Variants in NDST3 observed in about 807,000 individuals in gnomAD.
NDST3 encodes the protein bifunctional heparan sulfate N-deacetylase/N-sulfotransferase 3.
In NDST3, 58 loss-of-function variants were observed where a neutral mutation model predicts 96.1. The ratio of observed to expected loss-of-function variants is 0.60; its 90% CI spans 0.49 to 0.75. The LOEUF (loss-of-function observed/expected upper bound fraction) is 0.75, where lower values mean the gene tolerates loss of function less well. NDST3 is among the 30% of genes least tolerant of loss of function. NDST3 has a pLI of 0.00. For missense variants in NDST3, 788 were observed against 1,034.2 expected (o/e 0.76, Z 3.27); for synonymous variants, 333 against 359.7 (o/e 0.93, Z 0.84).
chr4:118,039,523 G>A (rs1560602631), intron 1 of NDST3, among the ~76,000 whole-genome samples: 1 of 152,264 alleles, frequency 6.6e-6, no homozygotes, highest in East Asian at 1.9e-4. Flanking sequence ...TCCAAGCTAT[G>A]GAGAAAAATT....
intron 2 of NDST3, among the ~76,000 whole-genome samples, chr4:118,083,106 C>T (rs1728148731): frequency 6.6e-6 from 1 of 152,070 alleles, no homozygotes; most frequent in Admixed American, 6.5e-5. Context: ...GACACAAATC[C>T]AAACCATATC....
At chr4:118,151,789 AT>A (rs1293250275) in intron 6 of NDST3, among the ~76,000 whole-genome samples, 1 of 152,222 alleles carries the variant, frequency 6.6e-6, no homozygotes, top group African/African-American at 2.4e-5. Context: ...CTTAAACTGG[AT>A]TTTAAAATAG....
intron 1 of NDST3, among the ~76,000 whole-genome samples, chr4:118,053,147 T>C (rs917683183): frequency 2.6e-5 from 4 of 152,006 alleles, no homozygotes; most frequent in African/African-American, 9.7e-5. Context: ...GTTTTGATTT[T>C]TGGAAAATGC....
intron 2 of NDST3, among the ~76,000 whole-genome samples, chr4:118,057,380 G>C (rs958184724): frequency 6.6e-6 from 1 of 151,872 alleles, no homozygotes; most frequent in African/African-American, 2.4e-5. Context: ...GAAAAGTCTG[G>C]GTAGGAAATA....
intron 4 of NDST3, among the ~76,000 whole-genome samples, chr4:118,133,594 T>C (rs1409349200): frequency 6.6e-6 from 1 of 152,222 alleles, no homozygotes; most frequent in Non-Finnish European, 1.5e-5. Context: ...CAGATAGTTG[T>C]TAAAATTTGG....
intron 10 of NDST3, among the ~76,000 whole-genome samples, chr4:118,238,380 A>AAT (rs1037683506): frequency 1.3e-5 from 2 of 152,188 alleles, no homozygotes; most frequent in African/African-American, 4.8e-5. Flanking sequence ...CTCTAGTAAT[A>AAT]ATATATATGT....
intron 6 of NDST3, among the ~76,000 whole-genome samples, chr4:118,172,032 C>G (rs998947640): frequency 6.6e-6 from 1 of 152,128 alleles, no homozygotes; most frequent in Non-Finnish European, 1.5e-5. Flanking sequence ...AGAGGTCTCT[C>G]TTATGAGAAA....
intron 6 of NDST3, among the ~76,000 whole-genome samples, chr4:118,176,395 A>G (rs1463868911): frequency 6.6e-6 from 1 of 152,156 alleles, no homozygotes; most frequent in Non-Finnish European, 1.5e-5. Context: ...ATGCAGATAG[A>G]AAGTTGCATA....
At chr4:118,229,162 G>A (rs370107048) in intron 8 of NDST3, among the ~76,000 whole-genome samples, 1 of 152,256 alleles carries the variant, frequency 6.6e-6, no homozygotes, top group African/African-American at 2.4e-5. Flanking sequence ...CTAGCCAGGC[G>A]TGGTGGCGTG....
At chr4:118,077,845 T>G (rs185312699) in intron 2 of NDST3, among the ~76,000 whole-genome samples, 1 of 152,264 alleles carries the variant, frequency 6.6e-6, no homozygotes, top group Admixed American at 6.5e-5. Flanking sequence ...GCCTGCCGAG[T>G]TCAGGTAGAA....
At chr4:118,058,262 G>A (rs938659083) in intron 2 of NDST3, among the ~76,000 whole-genome samples, 29 of 151,504 alleles carry the variant, frequency 1.9e-4, no homozygotes, top group Non-Finnish European at 3.8e-4. Context: ...TTCTTATGTG[G>A]AATAGAAAAT....
intron 6 of NDST3, among the ~76,000 whole-genome samples, chr4:118,183,399 T>C (rs766146807): frequency 6.6e-5 from 10 of 152,180 alleles, no homozygotes; most frequent in Admixed American, 1.3e-4. Flanking sequence ...GTGATATCAT[T>C]TGATTCAAAG....
intron 4 of NDST3, among the ~76,000 whole-genome samples, chr4:118,134,093 T>C (rs1180225021): frequency 6.6e-6 from 1 of 152,214 alleles, no homozygotes; most frequent in Non-Finnish European, 1.5e-5. Flanking sequence ...TCTCCAAAGA[T>C]ATGACAGAAT....
rs190447852 is a variant in NDST3 at position 118,056,279 on chromosome 4, G to A, written c.981+1388G>A. Reference sequence around the variant, plus strand: ...TAAAATATGGTAAATAAATCCCTGAGTTTTGTATGTAGCCCCCTGTTTCCC... The same window carrying A: ...TAAAATATGGTAAATAAATCCCTGAATTTTGTATGTAGCCCCCTGTTTCCC... On this transcript the variant is annotated intron_variant, in intron 2 of 13. Coordinates refer to ENST00000296499, the MANE Select transcript of NDST3 (RefSeq NM_004784.3). Among the ~76,000 whole-genome samples the A allele has an allele frequency of 5.9e-5, 9 of 151,838 alleles. No individual in the cohort carries two copies. In the East Asian group the frequency reaches 1.7e-3, roughly 29 times the overall value.
At chr4:118,177,668 C>A (rs1736359452) in intron 6 of NDST3, among the ~76,000 whole-genome samples, 2 of 151,848 alleles carry the variant, frequency 1.3e-5, no homozygotes, top group African/African-American at 2.4e-5. Flanking sequence ...CATTTAAGTC[C>A]TGGGTTTCAG....
intron 2 of NDST3, among the ~76,000 whole-genome samples, chr4:118,078,057 G>A (rs1727707175): frequency 6.6e-6 from 1 of 152,202 alleles, no homozygotes; most frequent in African/African-American, 2.4e-5. Context: ...GAGCGGGCAT[G>A]GAGGAGAGCC....
chr4:118,118,499 AT>A lies in NDST3; in HGVS notation c.1224+3540del, dbSNP rs1731295507. On this transcript the variant is annotated intron_variant, in intron 4 of 13. Transcript: ENST00000296499. The stretch of plus-strand genomic sequence containing the variant: ...ATTTTCATTGAGTTTTAACAAATAC[AT>A]CTTATCTATTATCCTTTTGCACAAT... Among the ~76,000 whole-genome samples, 3 of 152,336 alleles carry A rather than the reference AT, an allele frequency of 2.0e-5. No individual in the cohort carries two copies. The South Asian group carries it at 6.2e-4, about 32-fold the overall frequency.
chr4:118,116,822 C>G (rs552128788), intron 4 of NDST3, among the ~76,000 whole-genome samples: 49 of 151,312 alleles, frequency 3.2e-4, no homozygotes, highest in Admixed American at 4.6e-4. Context: ...TGCACCACTG[C>G]ACTCCAGCCT....
chr4:118,131,240 G>A (rs1366048835), intron 4 of NDST3, among the ~76,000 whole-genome samples: 2 of 135,122 alleles, frequency 1.5e-5, no homozygotes, highest in East Asian at 4.5e-4. Context: ...AGATCTTATA[G>A]GTGTGCTATG....
Sources: allele counts gnomAD v4.1 joint callset (sites outside exome capture counted in the v4.1 genomes callset), GRCh38; gene constraint gnomAD v4.1.1; transcripts MANE v1.5; gene names NCBI Gene and HGNC (gene_info 2026-07-23, HGNC 2026-07-21).